Variants in ETV7 observed in about 807,000 individuals in gnomAD.
ETV7 encodes transcription factor ETV7.
Under a neutral mutation model 39.1 loss-of-function variants are expected in ETV7, and 43 were observed. That is an observed-to-expected ratio of 1.10 (90% CI 0.86 to 1.42). ETV7 has a LOEUF of 1.42. Ranked by LOEUF, ETV7 falls within the 40% of genes most tolerant of loss-of-function variation. The pLI is 0.00. For missense variants in ETV7, 432 were observed against 442.3 expected (o/e 0.98, Z 0.21); for synonymous variants, 196 against 176.6 (o/e 1.11, Z -0.87).
At chr6:36,365,002 G>C (rs374427762), downstream of ETV7, among the ~76,000 whole-genome samples, 11 of 152,256 alleles carry the variant, frequency 7.2e-5, 1 homozygote, top group East Asian at 1.2e-3. Flanking sequence ...TCACAGCTTT[G>C]AGCCCCAAAG....
intron 1 of ETV7, among the ~76,000 whole-genome samples, chr6:36,386,469 T>C (rs1447409324): frequency 6.6e-6 from 1 of 152,206 alleles, no homozygotes; most frequent in Non-Finnish European, 1.5e-5. Context: ...GTTCATCCAT[T>C]CAGATGAGAA....
downstream of ETV7, among the ~76,000 whole-genome samples, chr6:36,364,184 C>T (rs1259229682): frequency 6.6e-6 from 1 of 152,278 alleles, no homozygotes; most frequent in Non-Finnish European, 1.5e-5. Flanking sequence ...GGATCCTGCA[C>T]TGGGGCTGCA....
chr6:36,359,312 G>A (rs1772415652), intron 7 of ETV7, among the ~76,000 whole-genome samples: 1 of 152,094 alleles, frequency 6.6e-6, no homozygotes, highest in Admixed American at 6.6e-5. Flanking sequence ...TTAGCCAGGT[G>A]TGGTGGTGCA....
chr6:36,367,070 G>C, intron 6 of ETV7, 95 bp from the exon 7 acceptor site: 1 of 927,912 alleles, frequency 1.1e-6, no homozygotes, highest in South Asian at 1.4e-5. Flanking sequence ...AGCTTCTTAA[G>C]CCTCTCATTC....
chr6:36,383,538 T>G lies in ETV7; in HGVS notation c.142+1996A>C, dbSNP rs9470266. On this transcript the variant is annotated intron_variant, in intron 2 of 7. Coordinates refer to ENST00000340181, the MANE Select transcript of ETV7 (RefSeq NM_016135.4). ...CAGTCCTGACTACTAAAATGGAGGT[T>G]GGAGGTAGGGGAGGGAATGGGGTGG... is the stretch of plus-strand genomic sequence containing the variant. Among the ~76,000 whole-genome samples the G allele has an allele frequency of 5.6e-3, 856 of 151,608 alleles. 8 individuals carry two copies. Among genetic ancestry groups the G allele is most frequent in the African/African-American group, 0.02 (811 of 41,316 alleles).
intron 1 of ETV7, among the ~76,000 whole-genome samples, 182 bp downstream of exon 1, chr6:36,387,354 T>G (rs1773963372): frequency 1.3e-5 from 2 of 149,592 alleles, no homozygotes; most frequent in Non-Finnish European, 1.5e-5. Flanking sequence ...GTGACCCGCG[T>G]CTGGAGGTGG....
At chr6:36,355,479 C>T (rs1303373997) in intron 7 of ETV7, among the ~76,000 whole-genome samples, 1 of 152,014 alleles carries the variant, frequency 6.6e-6, no homozygotes, top group Non-Finnish European at 1.5e-5. Flanking sequence ...CTCCAACTCT[C>T]CGCCTCACTC....
At chr6:36,355,011 A>G (rs535902890) in intron 7 of ETV7, among the ~76,000 whole-genome samples, 3 of 152,346 alleles carry the variant, frequency 2.0e-5, no homozygotes, top group African/African-American at 7.2e-5. Flanking sequence ...TACTGAACTC[A>G]TTAATTAGTT....
At chr6:36,383,894 C>T (rs2127403178) in intron 2 of ETV7, among the ~76,000 whole-genome samples, 1 of 152,338 alleles carries the variant, frequency 6.6e-6, no homozygotes, top group South Asian at 2.1e-4. Flanking sequence ...CTCACCTCCA[C>T]ACTCTGAAGG....
At chr6:36,376,635 G>A (rs551499888) in intron 2 of ETV7, among the ~76,000 whole-genome samples, 19 of 152,104 alleles carry the variant, frequency 1.2e-4, no homozygotes, top group Non-Finnish European at 2.4e-4. Flanking sequence ...AATTAGCTGG[G>A]CATGGTGGCA....
chr6:36,366,455 C>CA lies in ETV7; in HGVS notation c.*189dup. 1 of 1,449,710 alleles carries CA rather than the reference C, an allele frequency of 6.9e-7. No homozygotes were observed. The highest frequency in any genetic ancestry group is 9.0e-7 in the Non-Finnish European group (1 of 1,106,470). The allele number at this position is 1,449,710 out of a possible 1,614,324, so 89.8% of individuals were successfully genotyped here. ...CATTTAGCCCCAGGATTGCCCTGCCCAAAAGATGACACTCCTGCCCCCAGT... is the reference window on the plus strand; with the variant it reads ...CATTTAGCCCCAGGATTGCCCTGCCCAAAAAGATGACACTCCTGCCCCCAGT... On this transcript the variant is annotated 3_prime_UTR_variant, in exon 8 of 8. Coordinates refer to ENST00000340181, the MANE Select transcript of ETV7 (RefSeq NM_016135.4).
rs569348302 is a variant in ETV7 at position 36,355,605 on chromosome 6, G to A, written c.909-918C>T. Among the ~76,000 whole-genome samples the A allele has an allele frequency of 2.6e-5, 4 of 152,306 alleles. No homozygotes were observed. The South Asian group carries it at 8.3e-4, about 32-fold the overall frequency. ...TTTTGTATTTTTTGGTAGAGACAGG[G>A]TTTCACCATGTTGGCCAGGCTGGTC... On this transcript the variant is annotated intron_variant, in intron 7 of 7. Coordinates refer to the ETV7 transcript ENST00000339796.
downstream of ETV7, among the ~76,000 whole-genome samples, chr6:36,362,473 GAGA>G (rs1300387663): frequency 6.6e-6 from 1 of 151,762 alleles, no homozygotes; most frequent in African/African-American, 2.4e-5. Flanking sequence ...AAAAATTTGT[GAGA>G]AGTTCACTTT....
At chr6:36,387,417 G>GA in intron 1 of ETV7, 119 bp downstream of exon 1, 1 of 1,391,818 alleles carries the variant, frequency 7.2e-7, no homozygotes, top group Admixed American at 1.7e-5. Context: ...GTTGGAAAGA[G>GA]AGATTCCCGC....
At chr6:36,371,298 T>A in intron 5 of ETV7, 32 bp downstream of exon 5, 1 of 1,549,208 alleles carries the variant, frequency 6.5e-7, no homozygotes, top group Non-Finnish European at 8.7e-7. Flanking sequence ...TCAGTGCACC[T>A]TCCATGGCCA....
In ETV7 at chr6:36,366,513, G is replaced by A; in HGVS notation, c.*132C>T. The A allele has an allele frequency of 6.5e-7, 1 of 1,531,462 alleles. No homozygotes were observed. Among genetic ancestry groups the A allele is most frequent in the Non-Finnish European group, 8.7e-7 (1 of 1,142,946 alleles). The allele number at this position is 1,531,462 out of a possible 1,614,324, so 94.9% of individuals were successfully genotyped here. A position where few individuals can be genotyped will look rare whatever the true frequency, so the allele number is the denominator to read the frequency against. ...ATGGGAGGCCTCCCAGCCTTCCCAAGCAATGGCTGTAATCCTGTGGGTACA... is the reference window on the plus strand; with the variant it reads ...ATGGGAGGCCTCCCAGCCTTCCCAAACAATGGCTGTAATCCTGTGGGTACA... On this transcript the variant is annotated 3_prime_UTR_variant, in exon 8 of 8. Coordinates refer to ENST00000340181, the MANE Select transcript of ETV7 (RefSeq NM_016135.4).
chr6:36,357,211 G>A (rs1248637491), intron 7 of ETV7, among the ~76,000 whole-genome samples: 1 of 152,204 alleles, frequency 6.6e-6, no homozygotes, highest in Non-Finnish European at 1.5e-5. Context: ...AGGTCCAGGG[G>A]AAGGAGCAGT....
At chr6:36,374,479 TG>T (rs1773206916) in intron 3 of ETV7, among the ~76,000 whole-genome samples, 1 of 152,160 alleles carries the variant, frequency 6.6e-6, no homozygotes, top group Non-Finnish European at 1.5e-5. Flanking sequence ...AGAGCCAATC[TG>T]GGGATCCCAG....
chr6:36,363,029 T>C (rs376180094), downstream of ETV7, among the ~76,000 whole-genome samples: 1 of 152,196 alleles, frequency 6.6e-6, no homozygotes. Context: ...GCAAGTCACT[T>C]CGCTCTGGCG....
Sources: allele counts gnomAD v4.1 joint callset (sites outside exome capture counted in the v4.1 genomes callset), GRCh38; gene constraint gnomAD v4.1.1; transcripts MANE v1.5; gene names NCBI Gene and HGNC (gene_info 2026-07-23, HGNC 2026-07-21).